Variants in ROBO2 observed in about 807,000 individuals in gnomAD.
The protein encoded by ROBO2 is roundabout homolog 2.
Under a neutral mutation model 160.8 loss-of-function variants are expected in ROBO2, and 53 were observed. The observed-to-expected ratio is 0.33, with a 90% CI of 0.26 to 0.41. The LOEUF (loss-of-function observed/expected upper bound fraction) is 0.41, where lower values mean the gene tolerates loss of function less well. Ranked by LOEUF, ROBO2 falls within the 10% of genes least tolerant of loss-of-function variation. The probability of loss-of-function intolerance (pLI) is 1.00; values close to 1 mark genes in which losing one functional copy is unlikely to be tolerated. For missense variants in ROBO2, 1,577 were observed against 1,722.4 expected (o/e 0.92, Z 1.49); for synonymous variants, 664 against 611.7 (o/e 1.09, Z -1.26).
At chr3:76,546,377 G>T (rs1428955727) in intron 2 of ROBO2, among the ~76,000 whole-genome samples, 4 of 151,852 alleles carry the variant, frequency 2.6e-5, no homozygotes, top group Non-Finnish European at 5.9e-5. Context: ...TAAAAGTGCT[G>T]CCCAAAGATG....
At chr3:76,455,512 A>G (rs1266519629) in intron 2 of ROBO2, among the ~76,000 whole-genome samples, 1 of 152,132 alleles carries the variant, frequency 6.6e-6, no homozygotes, top group Non-Finnish European at 1.5e-5. Flanking sequence ...TTTCTGAAAC[A>G]ATATATAGTT....
intron 8 of ROBO2, among the ~76,000 whole-genome samples, chr3:77,552,608 C>T (rs916708046): frequency 3.3e-5 from 5 of 152,010 alleles, no homozygotes; most frequent in Admixed American, 6.6e-5. Context: ...ACTGAGATTG[C>T]TCTAAACATT....
At chr3:76,773,125 A>T (rs527731874) in intron 2 of ROBO2, among the ~76,000 whole-genome samples, 1 of 151,234 alleles carries the variant, frequency 6.6e-6, no homozygotes, top group African/African-American at 2.4e-5. Context: ...AGTGCAATCT[A>T]ATGAATGGTC....
In ROBO2 at chr3:76,946,851, C is replaced by A. The variant is rs529768821; in HGVS notation, c.110-151163C>A. 2.0e-5 allele frequency among the ~76,000 whole-genome samples: 3 copies of A among 152,338 alleles called. No individual in the cohort carries two copies. The East Asian group carries it at 5.8e-4, about 29-fold the overall frequency. ...TGGATTACCCTGGATGTTTTGTAAG[C>A]TGCAAATTCTCTCCAGGCTGTAAGC... On this transcript the variant is annotated intron_variant, in intron 2 of 26. Coordinates refer to the ROBO2 transcript ENST00000487694.
At chr3:77,586,687 C>A (rs1165678205) in intron 16 of ROBO2, among the ~76,000 whole-genome samples, 1 of 151,628 alleles carries the variant, frequency 6.6e-6, no homozygotes. Context: ...AAAATGAAGG[C>A]CAAATTTTCT....
At chr3:76,173,535 C>T (rs930791181) in intron 2 of ROBO2, among the ~76,000 whole-genome samples, 2 of 151,848 alleles carry the variant, frequency 1.3e-5, no homozygotes, top group Non-Finnish European at 2.9e-5. Flanking sequence ...CTGACAGGCC[C>T]CAATGTGCGA....
intron 20 of ROBO2, among the ~76,000 whole-genome samples, chr3:77,606,652 C>G (rs1451095159): frequency 2.0e-5 from 3 of 152,152 alleles, no homozygotes; most frequent in Admixed American, 6.5e-5. Flanking sequence ...CAAATATGTT[C>G]CTATTAAATT....
intron 2 of ROBO2, among the ~76,000 whole-genome samples, chr3:76,634,115 A>C (rs757461109): frequency 6.6e-6 from 1 of 152,248 alleles, no homozygotes; most frequent in Non-Finnish European, 1.5e-5. Context: ...ATTTTCTCAC[A>C]GTTCAGCAAG....
At chr3:77,365,791 T>G (rs573017941) in intron 2 of ROBO2, among the ~76,000 whole-genome samples, 6 of 152,244 alleles carry the variant, frequency 3.9e-5, no homozygotes, top group African/African-American at 1.4e-4. Flanking sequence ...CTAACATGCA[T>G]GACGTGATTT....
chr3:77,030,610 G>A (rs2063258080), intron 2 of ROBO2, among the ~76,000 whole-genome samples: 1 of 152,150 alleles, frequency 6.6e-6, no homozygotes, highest in Admixed American at 6.5e-5. Flanking sequence ...GTGTTGGCAA[G>A]GCCATGCTCT....
chr3:76,013,270 G>A (rs776871435), intron 2 of ROBO2, among the ~76,000 whole-genome samples: 11 of 151,258 alleles, frequency 7.3e-5, no homozygotes, highest in Non-Finnish European at 1.6e-4. Flanking sequence ...AAGGCAATTG[G>A]AGGCTGGGCA....
chr3:76,325,920 G>A (rs928956571), intron 2 of ROBO2, among the ~76,000 whole-genome samples: 1 of 151,954 alleles, frequency 6.6e-6, no homozygotes, highest in Admixed American at 6.6e-5. Flanking sequence ...AATTATTCAA[G>A]ATTCCATTAT....
At chr3:77,246,424 G>T (rs759506702) in intron 2 of ROBO2, among the ~76,000 whole-genome samples, 1 of 151,834 alleles carries the variant, frequency 6.6e-6, no homozygotes, top group Non-Finnish European at 1.5e-5. Context: ...CTGAGATTTT[G>T]TGGCTACACT....
intron 2 of ROBO2, among the ~76,000 whole-genome samples, chr3:76,348,208 A>G (rs1443445389): frequency 6.6e-6 from 1 of 152,078 alleles, no homozygotes; most frequent in Non-Finnish European, 1.5e-5. Flanking sequence ...ACAGTCTCCC[A>G]CAGTCAGTAT....
intron 2 of ROBO2, among the ~76,000 whole-genome samples, chr3:76,338,795 A>G (rs1228350787): frequency 6.6e-6 from 1 of 151,462 alleles, no homozygotes; most frequent in Non-Finnish European, 1.5e-5. Flanking sequence ...ATTAATAAAC[A>G]TAATGAAATT....
intron 2 of ROBO2, among the ~76,000 whole-genome samples, chr3:76,390,329 G>T (rs1211766900): frequency 6.6e-6 from 1 of 151,824 alleles, no homozygotes; most frequent in African/African-American, 2.4e-5. Flanking sequence ...ATATTCAAAA[G>T]TTTAGTTAAT....
chr3:76,903,978 T>C (rs774059953), intron 2 of ROBO2, among the ~76,000 whole-genome samples: 33 of 152,180 alleles, frequency 2.2e-4, no homozygotes, highest in Non-Finnish European at 4.4e-4. Context: ...CATTTTATCA[T>C]GTTGCCAGTT....
At chr3:75,962,653 T>A (rs894132080) in intron 2 of ROBO2, among the ~76,000 whole-genome samples, 2 of 151,944 alleles carry the variant, frequency 1.3e-5, no homozygotes, top group African/African-American at 4.8e-5. Context: ...TTCAAGTTAG[T>A]ATATTTTATG....
chr3:76,857,250 G>A (rs1161649157), intron 2 of ROBO2, among the ~76,000 whole-genome samples: 2 of 152,212 alleles, frequency 1.3e-5, no homozygotes, highest in Non-Finnish European at 2.9e-5. Flanking sequence ...CTCCCAAAGT[G>A]CTGGGATTAC....
Sources: allele counts gnomAD v4.1 joint callset (sites outside exome capture counted in the v4.1 genomes callset), GRCh38; gene constraint gnomAD v4.1.1; transcripts MANE v1.5; gene names NCBI Gene and HGNC (gene_info 2026-07-23, HGNC 2026-07-21).